The following AK5 variants were observed in gnomAD, a reference collection of about 807,000 sequenced individuals.
AK5 encodes adenylate kinase 5.
Under a neutral mutation model 69.5 loss-of-function variants are expected in AK5, and 27 were observed. The ratio of observed to expected loss-of-function variants is 0.39; its 90% confidence interval spans 0.29 to 0.54. The LOEUF is 0.54. Among genes scored for constraint, AK5 ranks in the 20% least tolerant of loss-of-function variants. AK5 has a pLI of 0.71. For synonymous variants in AK5, 260 were observed against 244.4 expected, an observed-to-expected ratio of 1.06 and a Z score of -0.60; for missense variants, 531 against 700.4, an observed-to-expected ratio of 0.76 and a Z score of 2.73.
intron 10 of AK5, among the ~76,000 whole-genome samples, chr1:77,512,058 C>T (rs1657380280): frequency 6.6e-6 from 1 of 152,172 alleles, no homozygotes; most frequent in Non-Finnish European, 1.5e-5. Flanking sequence ...GCTGAGGAGG[C>T]TTAAATACCT....
intron 11 of AK5, among the ~76,000 whole-genome samples, chr1:77,521,169 C>T (rs954359183): frequency 1.3e-5 from 2 of 150,880 alleles, no homozygotes; most frequent in East Asian, 1.9e-4. Flanking sequence ...CAGTCTCGCT[C>T]GTCACCCAGG....
At chr1:77,323,661 T>C (rs1660645524) in intron 5 of AK5, among the ~76,000 whole-genome samples, 1 of 152,230 alleles carries the variant, frequency 6.6e-6, no homozygotes, top group Admixed American at 6.5e-5. Context: ...CTTTCTATTA[T>C]AATTTAATAA....
chr1:77,378,060 A>G (rs1171387042), intron 6 of AK5, among the ~76,000 whole-genome samples: 1 of 152,164 alleles, frequency 6.6e-6, no homozygotes, highest in Non-Finnish European at 1.5e-5. Context: ...ATGCATCTCT[A>G]ACATCGGGTA....
At chr1:77,301,507 C>T (rs569472260) in intron 5 of AK5, among the ~76,000 whole-genome samples, 1 of 152,306 alleles carries the variant, frequency 6.6e-6, no homozygotes, top group Admixed American at 6.5e-5. Context: ...CATCTTCTCC[C>T]ACAGTTTGCC....
chr1:77,391,479 G>GTA (rs757479249), intron 6 of AK5, among the ~76,000 whole-genome samples: 1,583 of 47,882 alleles, frequency 0.033, 25 homozygotes, highest in South Asian at 0.043. Flanking sequence ...ATATGTGTGT[G>GTA]TGTATGTGTG....
intron 8 of AK5, among the ~76,000 whole-genome samples, chr1:77,469,452 T>A (rs1230308393): frequency 6.6e-6 from 1 of 152,204 alleles, no homozygotes; most frequent in Admixed American, 6.5e-5. Context: ...TGGCCCGCAG[T>A]GAGAGCTCTT....
At chr1:77,537,162 A>G (rs1245989728) in intron 13 of AK5, among the ~76,000 whole-genome samples, 1 of 152,140 alleles carries the variant, frequency 6.6e-6, no homozygotes, top group African/African-American at 2.4e-5. Context: ...CCTTTCCTCC[A>G]GTGTAAGGGG....
rs533204142 is a variant in AK5, at chr1:77,412,756, C to T, written c.982+1685C>T. Among the ~76,000 whole-genome samples, 4 of 152,238 alleles carry T rather than the reference C, an allele frequency of 2.6e-5. No individual in the cohort carries two copies. In the South Asian group the frequency reaches 8.3e-4, roughly 32 times the overall value. On this transcript the variant is annotated intron_variant, in intron 7 of 13. Transcript: ENST00000354567. ...TCTCTCAACTCTCTTTCTGCAGAAT[C>T]TCAGCTGCCCCACAGCTCCCATATC...
chr1:77,340,838 A>C (rs1166424601), intron 6 of AK5: 3 of 316,168 alleles, frequency 9.5e-6, no homozygotes, highest in Admixed American at 4.5e-5. Context: ...CAAGTAAAAA[A>C]GTGTTTTAAA....
intron 8 of AK5, among the ~76,000 whole-genome samples, chr1:77,423,226 A>AAAAT (rs1480570067): frequency 7.6e-6 from 1 of 132,050 alleles, no homozygotes; most frequent in African/African-American, 2.5e-5. Flanking sequence ...GTCTAAAAAA[A>AAAAT]AAAATAAAAA....
At chr1:77,504,449 T>A (rs1570273930) in intron 10 of AK5, among the ~76,000 whole-genome samples, 2 of 151,762 alleles carry the variant, frequency 1.3e-5, no homozygotes, top group South Asian at 2.1e-4. Context: ...ATATTTTTTT[T>A]AATATACATT....
chr1:77,508,237 C>T (rs1054393638), intron 10 of AK5, among the ~76,000 whole-genome samples: 1 of 152,178 alleles, frequency 6.6e-6, no homozygotes, highest in African/African-American at 2.4e-5. Context: ...ATTCATCCAT[C>T]AGTACATCTC....
At chr1:77,312,939 C>T (rs1158082308) in intron 5 of AK5, among the ~76,000 whole-genome samples, 1 of 151,984 alleles carries the variant, frequency 6.6e-6, no homozygotes, top group Non-Finnish European at 1.5e-5. Context: ...CCTATGCAGA[C>T]CTTCCTTCAT....
chr1:77,342,630 CA>C (rs1007257608), intron 6 of AK5, among the ~76,000 whole-genome samples: 10 of 152,096 alleles, frequency 6.6e-5, no homozygotes, highest in African/African-American at 2.4e-4. Context: ...AAAAATTTGA[CA>C]AAGAAGCAAA....
intron 10 of AK5, among the ~76,000 whole-genome samples, chr1:77,517,369 T>C (rs1657713559): frequency 6.6e-6 from 1 of 152,024 alleles, no homozygotes; most frequent in African/African-American, 2.4e-5. Context: ...GTGGCCACAA[T>C]GGGGAGGAGA....
chr1:77,477,161 G>A (rs1327771409), intron 8 of AK5, among the ~76,000 whole-genome samples: 1 of 152,024 alleles, frequency 6.6e-6, no homozygotes, highest in Non-Finnish European at 1.5e-5. Flanking sequence ...CTGAGTAGCT[G>A]GGACCACAGG....
intron 5 of AK5, among the ~76,000 whole-genome samples, chr1:77,312,513 G>T (rs2100296740): frequency 6.6e-6 from 1 of 152,024 alleles, no homozygotes; most frequent in African/African-American, 2.4e-5. Context: ...TACTTGAGAG[G>T]CTGAGGCAGG....
chr1:77,531,989 TCCGGCCGGC>T (rs1658644023), intron 12 of AK5: 1 of 148,532 alleles, frequency 6.7e-6, no homozygotes, highest in Admixed American at 6.7e-5. Context: ...CCTGCGGCCA[TCCGGCCGGC>T]CGGCCGGCCG....
At chr1:77,471,066 T>C (rs549133949) in intron 8 of AK5, among the ~76,000 whole-genome samples, 240 of 150,848 alleles carry the variant, frequency 1.6e-3, no homozygotes, top group African/African-American at 5.7e-3. Flanking sequence ...TTATTTTTAG[T>C]AGAGACGTGG....
Sources: gnomAD v4.1 joint callset for allele counts (sites outside exome capture counted in the v4.1 genomes callset) on GRCh38, gnomAD v4.1.1 for gene constraint, MANE v1.5 for transcripts, NCBI Gene and HGNC (gene_info 2026-07-23, HGNC 2026-07-21) for gene names.